The following MDN1 variants were observed in gnomAD, a reference collection of about 807,000 sequenced individuals.
MDN1 encodes midasin AAA ATPase 1.
A neutral mutation model predicts 669.2 loss-of-function variants in MDN1; 266 were observed. The observed-to-expected ratio is 0.40, with a 90% CI of 0.36 to 0.44. The LOEUF is 0.44. MDN1 is among the 20% of genes least tolerant of loss of function. The pLI is 1.00. For synonymous variants in MDN1, 2,385 were observed against 2,457.1 expected (o/e 0.97, Z 0.87); for missense variants, 5,940 against 6,754.0 (o/e 0.88, Z 4.22).
At chr6:89,784,905 G>T in intron 9 of MDN1, 107 bp downstream of exon 9, 1 of 719,708 alleles carries the variant, frequency 1.4e-6, no homozygotes, top group Non-Finnish European at 2.4e-6. Context: ...CACACAGACT[G>T]CAAAATTTAG....
chr6:89,790,636 G>A (rs1819215222), intron 5 of MDN1, among the ~76,000 whole-genome samples: 1 of 152,126 alleles, frequency 6.6e-6, no homozygotes, highest in African/African-American at 2.4e-5. Flanking sequence ...CATCCCAGGA[G>A]TTCAAGGATA....
At chr6:89,756,730 G>T (rs935178280) in intron 19 of MDN1, among the ~76,000 whole-genome samples, 3 of 152,148 alleles carry the variant, frequency 2.0e-5, no homozygotes, top group Admixed American at 1.3e-4. Flanking sequence ...AGACCATCCT[G>T]GCTAACATGG....
chr6:89,732,752 G>C lies in MDN1; in HGVS notation c.4747C>G (p.Leu1583Val). 1 of 1,613,994 alleles carries C rather than the reference G, an allele frequency of 6.2e-7. No individual in the cohort carries two copies. Among genetic ancestry groups the C allele is most frequent in the Middle Eastern group, 1.6e-4 (1 of 6,062 alleles). Residue 1583 changes from leucine to valine, a missense_variant, in exon 34 of 102, where the codon CTG becomes GTG. By Grantham distance (32) the Leu-to-Val change is conservative. This residue lies in a region of MDN1 where 2,292 missense variants were observed against 2,638.3 expected (regional missense o/e 0.87). Coordinates refer to ENST00000369393, the MANE Select transcript of MDN1 (RefSeq NM_014611.3). ...TGGGTCAGCCAGTCAATGAAATCCA[G>C]CATCACTTCAGGTATGTCAGACCCT... ...PKGSDIPEVM[L>V]DFIDWLTHQE...
At position 89,745,333 on chromosome 6, in the gene MDN1, G is replaced by GC. The variant is rs1562170996; in HGVS notation, c.4117dup (p.Ala1373GlyfsTer12). The GC allele has an allele frequency of 1.9e-6, 3 of 1,613,868 alleles. No individual in the cohort carries two copies. Among genetic ancestry groups the GC allele is most frequent in the Non-Finnish European group, 2.5e-6 (3 of 1,179,928 alleles). On this transcript the variant is annotated frameshift_variant, in exon 29 of 102. Coordinates refer to ENST00000369393, the MANE Select transcript of MDN1 (RefSeq NM_014611.3). LOFTEE classifies it high-confidence loss of function. Reference sequence around the variant, plus strand: ...TTCCAATGCCCTTCCCACTAGCATCGCGAGTCTCCGCATGCCCTCAGTCCA... The same window carrying GC: ...TTCCAATGCCCTTCCCACTAGCATCGCCGAGTCTCCGCATGCCCTCAGTCCA...
rs756082231 is a variant in MDN1 at position 89,699,002 on chromosome 6, C to T, written c.9031G>A (p.Glu3011Lys). The T allele has an allele frequency of 3.7e-6, 6 of 1,613,558 alleles. No homozygotes were observed. The highest frequency in any genetic ancestry group is 1.1e-5 in the South Asian group (1 of 91,044). ...GACATAAACATGGAATTAAATAACTCGGACCACAAAGATGTAATTTCTTCA... is the reference window on the plus strand; with the variant it reads ...GACATAAACATGGAATTAAATAACTTGGACCACAAAGATGTAATTTCTTCA... ...SPEEITSLWS[E>K]LFNSMFMSFW... The change falls in exon 59 of 102, where the codon GAG becomes AAG. Residue 3011 changes from glutamate to lysine, a missense_variant. By Grantham distance (56) the Glu-to-Lys change is moderately conservative. Coordinates refer to ENST00000369393, the MANE Select transcript of MDN1 (RefSeq NM_014611.3).
In MDN1 at chr6:89,718,513, C is replaced by A; in HGVS notation, c.6436G>T (p.Ala2146Ser). 4 of 1,614,118 alleles carry A rather than the reference C, an allele frequency of 2.5e-6. No individual in the cohort carries two copies. The highest frequency in any genetic ancestry group is 3.4e-6 in the Non-Finnish European group (4 of 1,180,028). The change falls in exon 43 of 102, where the codon GCC (alanine) becomes TCC (serine). Residue 2146 changes from alanine to serine, a missense_variant. Coordinates refer to ENST00000369393, the MANE Select transcript of MDN1 (RefSeq NM_014611.3). ...TATGTCAGAAGAAAATGACTCCAGGCTCGCAGCACTACTTCTGCATCATCA... is the reference window on the plus strand; with the variant it reads ...TATGTCAGAAGAAAATGACTCCAGGATCGCAGCACTACTTCTGCATCATCA... ...SADDAEVVLR[A>S]WSHFLLTYKP... is the part of the protein sequence containing the mutation.
intron 85 of MDN1, 37 bp from the exon 86 acceptor site, chr6:89,663,004 A>G (rs1331726647): frequency 1.2e-6 from 2 of 1,611,944 alleles, no homozygotes; most frequent in Non-Finnish European, 1.7e-6. Context: ...CAGATCTCCA[A>G]ACTGACCCAG....
At chr6:89,780,063 C>T (rs900234743) in intron 11 of MDN1, 149 bp downstream of exon 11, 15 of 509,798 alleles carry the variant, frequency 2.9e-5, no homozygotes, top group Non-Finnish European at 4.8e-5. Flanking sequence ...CGAGAGACTT[C>T]GTCTCAAAAA....
chr6:89,693,774 A>G (rs149930489), intron 62 of MDN1, among the ~76,000 whole-genome samples: 406 of 152,282 alleles, frequency 2.7e-3, no homozygotes, highest in African/African-American at 9.2e-3. Context: ...TCCTAGTAAC[A>G]CACCTACAGC....
chr6:89,805,443 G>T (rs996723293), intron 1 of MDN1, among the ~76,000 whole-genome samples: 2 of 152,150 alleles, frequency 1.3e-5, no homozygotes, highest in African/African-American at 4.8e-5. Context: ...TCAGGTGGCT[G>T]AAGTGGGAGG....
At chr6:89,675,387 C>T (rs1311577174) in intron 78 of MDN1, 77 bp downstream of exon 78, 49 of 1,208,570 alleles carry the variant, frequency 4.1e-5, no homozygotes, top group Non-Finnish European at 5.8e-5. Flanking sequence ...TTCCTCTCCC[C>T]ACATGCAGCA....
chr6:89,694,204 T>C lies in MDN1; in HGVS notation c.9772-21A>G, dbSNP rs371288464. 18 of 1,587,792 alleles carry C rather than the reference T, an allele frequency of 1.1e-5. 1 individual carries two copies. Among genetic ancestry groups the C allele is most frequent in the Non-Finnish European group, 1.3e-5 (15 of 1,156,260 alleles). On this transcript the variant is annotated intron_variant, in intron 61 of 101. Transcript: ENST00000369393. Reference sequence around the variant, plus strand: ...TGTAACTAATGGAAAAGAGAGAAGTTAGTCCACTGTGTCCCAGCTATGACC... The same window carrying C: ...TGTAACTAATGGAAAAGAGAGAAGTCAGTCCACTGTGTCCCAGCTATGACC...
intron 1 of MDN1, among the ~76,000 whole-genome samples, chr6:89,810,643 T>C (rs1768353068): frequency 6.6e-6 from 1 of 152,126 alleles, no homozygotes; most frequent in African/African-American, 2.4e-5. Context: ...ATCACTCCAA[T>C]ATGTATTTCT....
chr6:89,700,086 A>C lies in MDN1; in HGVS notation c.8847T>G (p.Phe2949Leu), dbSNP rs1035355753. 1.9e-6 allele frequency: 3 copies of C among 1,614,042 alleles called. No homozygotes were observed. Among genetic ancestry groups the C allele is most frequent in the Admixed American group, 1.7e-5 (1 of 60,012 alleles). Residue 2949 changes from phenylalanine (F) to leucine (L), a missense_variant, in exon 57 of 102, where the codon TTT (phenylalanine) becomes TTG (leucine). Around this residue, in one of 5 missense-constraint regions of MDN1, gnomAD observed 2,292 missense variants for 2,638.3 expected, o/e 0.87. Transcript: ENST00000369393. ...ACCTTCTGAGACAAGCTTGTGCCAT[A>C]AAATCAGCTGTCACTTTGTACCGCC... is the stretch of plus-strand genomic sequence containing the variant. ...MLWRYKVTAD[F>L]MAQACLRRCS...
At chr6:89,803,597 T>C (rs1372355784) in intron 1 of MDN1, 43 bp from the exon 2 acceptor site, 1 of 1,432,988 alleles carries the variant, frequency 7.0e-7, no homozygotes, top group Admixed American at 1.9e-5. Context: ...TTTTTTTTTT[T>C]TTGAGACACA....
At chr6:89,668,271 T>A in intron 83 of MDN1, 120 bp from the exon 84 acceptor site, 1 of 1,249,618 alleles carries the variant, frequency 8.0e-7, no homozygotes, top group Non-Finnish European at 1.1e-6. Context: ...TAGCTCATTA[T>A]CTTAAATCCG....
At chr6:89,809,253 T>C (rs552652792) in intron 1 of MDN1, among the ~76,000 whole-genome samples, 31 of 151,718 alleles carry the variant, frequency 2.0e-4, no homozygotes, top group Non-Finnish European at 3.8e-4. Flanking sequence ...GTATGTATAT[T>C]TGACTCTTTT....
chr6:89,738,485 T>G, intron 32 of MDN1, 30 bp from the exon 33 acceptor site: 1 of 1,611,272 alleles, frequency 6.2e-7, no homozygotes, highest in Non-Finnish European at 8.5e-7. Context: ...TCAATGTGAA[T>G]TTTTAAAACT....
At chr6:89,802,135 A>G (rs1403969898) in intron 2 of MDN1, among the ~76,000 whole-genome samples, 1 of 152,194 alleles carries the variant, frequency 6.6e-6, no homozygotes, top group Non-Finnish European at 1.5e-5. Context: ...TACCTAACTG[A>G]CATATCAGAA....
Sources: allele counts gnomAD v4.1 joint callset (sites outside exome capture counted in the v4.1 genomes callset), GRCh38; gene constraint gnomAD v4.1.1; regional missense constraint gnomAD v4.1.1; transcripts MANE v1.5; gene names NCBI Gene and HGNC (gene_info 2026-07-23, HGNC 2026-07-21).